CACNG4: variants seen among roughly 807,000 people sequenced by gnomAD.
The protein encoded by CACNG4 is calcium voltage-gated channel auxiliary subunit gamma 4, also known as voltage-dependent calcium channel gamma-4 subunit.
Under a neutral mutation model 22.9 loss-of-function variants are expected in CACNG4, and 8 were observed. The observed-to-expected ratio is 0.35, with a 90% CI of 0.21 to 0.63. CACNG4 has a LOEUF of 0.63. Ranked by LOEUF, CACNG4 falls within the 30% of genes least tolerant of loss-of-function variation. The pLI is 0.72. For missense variants in CACNG4, 357 were observed against 455.4 expected, an observed-to-expected ratio of 0.78 and a Z score of 1.97; for synonymous variants, 188 against 191.9, an observed-to-expected ratio of 0.98 and a Z score of 0.17.
intron 1 of CACNG4, among the ~76,000 whole-genome samples, chr17:66,977,058 G>A (rs969582699): frequency 8.5e-5 from 13 of 152,122 alleles, no homozygotes; most frequent in African/African-American, 1.9e-4. Context: ...CTCCACCTCC[G>A]ACACACGCCC....
In CACNG4 at chr17:67,031,156, C is replaced by G; in HGVS notation, c.*152C>G. On this transcript the variant is annotated 3_prime_UTR_variant, in exon 4 of 4. Coordinates refer to ENST00000262138, the MANE Select transcript of CACNG4 (RefSeq NM_014405.4). This position sits in a 1 kb window ranked among gnomAD's most constrained non-coding sequence, Gnocchi z 4.0. The stretch of plus-strand genomic sequence containing the variant: ...AGAGGTGGCGTGGGCTGGCTTTGCA[C>G]GAAGGTTGTGCTGGGAGACCGGACC... 1 of 821,136 alleles carries G rather than the reference C, an allele frequency of 1.2e-6. No homozygotes were observed. Among genetic ancestry groups the G allele is most frequent in the Non-Finnish European group, 1.9e-6 (1 of 526,672 alleles). The allele number at this position is 821,136 out of a possible 1,614,324, so 50.9% of individuals were successfully genotyped here. A position where few individuals can be genotyped will look rare whatever the true frequency, so the allele number is the denominator to read the frequency against.
chr17:67,031,786 A>T lies in CACNG4; in HGVS notation c.*782A>T, dbSNP rs1246005616. ...TGGACTTCAGAGTCTGGAGGGTTCCATCGGTCAGGGGAATGGCGGCCACGT... is the reference window on the plus strand; with the variant it reads ...TGGACTTCAGAGTCTGGAGGGTTCCTTCGGTCAGGGGAATGGCGGCCACGT... On this transcript the variant is annotated 3_prime_UTR_variant, in exon 4 of 4. Coordinates refer to ENST00000262138, the MANE Select transcript of CACNG4 (RefSeq NM_014405.4). This position sits in a 1 kb window ranked among gnomAD's most constrained non-coding sequence, Gnocchi z 4.0. 1 of 456,510 alleles carries T rather than the reference A, an allele frequency of 2.2e-6. No individual in the cohort carries two copies. Among genetic ancestry groups the T allele is most frequent in the Non-Finnish European group, 4.4e-6 (1 of 226,952 alleles). The allele number at this position is 456,510 out of a possible 1,614,324, so 28.3% of individuals were successfully genotyped here. A position where few individuals can be genotyped will look rare whatever the true frequency, so the allele number is the denominator to read the frequency against.
In CACNG4 at chr17:67,006,470, C is replaced by T. The variant is rs548937384; in HGVS notation, c.221-11719C>T. ...CCTCAGTACTGTCTCCGTCACCTCC[C>T]CAGGCAAGGTCCCTTCCAGAAGCTC... On this transcript the variant is annotated intron_variant, in intron 1 of 3. Transcript: ENST00000262138. 9.2e-5 allele frequency among the ~76,000 whole-genome samples: 14 copies of T among 152,334 alleles called. No homozygotes were observed. The South Asian group carries it at 2.7e-3, about 29-fold the overall frequency.
At chr17:67,019,382 C>T (rs1301380940) in intron 2 of CACNG4, among the ~76,000 whole-genome samples, 1 of 152,126 alleles carries the variant, frequency 6.6e-6, no homozygotes, top group South Asian at 2.1e-4. Context: ...TCTATGCTCT[C>T]GTTCTGCTTA....
chr17:67,019,544 C>A (rs1465902798), intron 2 of CACNG4, among the ~76,000 whole-genome samples: 1 of 152,234 alleles, frequency 6.6e-6, no homozygotes, highest in African/African-American at 2.4e-5. Context: ...TCTGCACAAC[C>A]AGCCACAGAG....
intron 1 of CACNG4, among the ~76,000 whole-genome samples, chr17:66,988,549 C>T: frequency 6.6e-6 from 1 of 152,148 alleles, no homozygotes; most frequent in South Asian, 2.1e-4. Flanking sequence ...CCATCACTTG[C>T]CCCCTCGCCT....
chr17:67,026,688 T>C (rs576951863), intron 3 of CACNG4, among the ~76,000 whole-genome samples: 85 of 151,322 alleles, frequency 5.6e-4, no homozygotes, highest in Non-Finnish European at 9.6e-4. Flanking sequence ...TGTGTGTGTG[T>C]GAGGACTATG....
At chr17:66,996,006 T>C (rs1225922291) in intron 1 of CACNG4, among the ~76,000 whole-genome samples, 2 of 152,154 alleles carry the variant, frequency 1.3e-5, no homozygotes, top group African/African-American at 4.8e-5. Context: ...TCCCAAACCC[T>C]GGTTTTGAGT....
chr17:67,024,990 C>A lies in CACNG4; in HGVS notation c.435C>A (p.Phe145Leu). 1 of 1,594,566 alleles carries A rather than the reference C, an allele frequency of 6.3e-7. No homozygotes were observed. The highest frequency in any genetic ancestry group is 8.5e-7 in the Non-Finnish European group (1 of 1,172,624). ...TCGTCCTCAGTGCCGGCATCCTCTTCGTGGCTGCAGGTGAGCCGCCCGCCC... is the reference window on the plus strand; with the variant it reads ...TCGTCCTCAGTGCCGGCATCCTCTTAGTGGCTGCAGGTGAGCCGCCCGCCC... ...NNIVLSAGIL[F>L]VAAGLSNIIG... The change falls in exon 3 of 4, where the codon TTC becomes TTA. Residue 145 changes from phenylalanine to leucine, a missense_variant. Physicochemically the swap from Phe to Leu is conservative, Grantham distance 22. This residue lies in a region of CACNG4 where 240 missense variants were observed against 277.6 expected (regional missense o/e 0.86). Coordinates refer to ENST00000262138, the MANE Select transcript of CACNG4 (RefSeq NM_014405.4).
In CACNG4 at chr17:66,993,488, C is replaced by T. The variant is rs1297565118; in HGVS notation, c.221-24701C>T. On this transcript the variant is annotated intron_variant, in intron 1 of 3. Coordinates refer to ENST00000262138, the MANE Select transcript of CACNG4 (RefSeq NM_014405.4). The stretch of plus-strand genomic sequence containing the variant: ...GCTTCACCCTCTAGCTGGGGCCAGG[C>T]TTGGACAACTCACAATCTCCTCCAT... 2.6e-5 allele frequency among the ~76,000 whole-genome samples: 4 copies of T among 152,326 alleles called. No individual in the cohort carries two copies. In the East Asian group the frequency reaches 7.7e-4, roughly 29 times the overall value.
intron 1 of CACNG4, among the ~76,000 whole-genome samples, chr17:67,008,449 G>T (rs1345484731): frequency 1.3e-5 from 2 of 152,200 alleles, no homozygotes; most frequent in African/African-American, 2.4e-5. Context: ...GAATTGCGGG[G>T]AGCAGGGGGC....
intron 1 of CACNG4, among the ~76,000 whole-genome samples, chr17:67,006,121 G>A (rs1302349333): frequency 6.6e-6 from 1 of 152,214 alleles, no homozygotes; most frequent in Non-Finnish European, 1.5e-5. Flanking sequence ...ACCATGAGGG[G>A]CAGTGAGGAG....
chr17:66,996,180 C>A (rs534219864), intron 1 of CACNG4, among the ~76,000 whole-genome samples: 1 of 152,172 alleles, frequency 6.6e-6, no homozygotes, highest in African/African-American at 2.4e-5. Flanking sequence ...CTCTCTGCTC[C>A]GTGGTTGGGC....
chr17:67,028,120 C>T (rs2035579171), intron 3 of CACNG4, among the ~76,000 whole-genome samples: 1 of 152,112 alleles, frequency 6.6e-6, no homozygotes, highest in African/African-American at 2.4e-5. Flanking sequence ...GAGTTGAAAC[C>T]CAGGACTGGT....
intron 1 of CACNG4, among the ~76,000 whole-genome samples, chr17:66,976,940 A>G (rs2035241565): frequency 6.6e-6 from 1 of 152,112 alleles, no homozygotes; most frequent in African/African-American, 2.4e-5. Flanking sequence ...TCACCAGTTC[A>G]TCCATCCAGC....
chr17:66,969,166 G>T (rs1010668602), intron 1 of CACNG4, among the ~76,000 whole-genome samples: 3 of 152,206 alleles, frequency 2.0e-5, no homozygotes, highest in African/African-American at 7.2e-5. Flanking sequence ...AGAAGAGCCC[G>T]TGTAGACGTG....
chr17:66,992,194 C>T (rs1397361154), intron 1 of CACNG4, among the ~76,000 whole-genome samples: 1 of 152,102 alleles, frequency 6.6e-6, no homozygotes, highest in Non-Finnish European at 1.5e-5. Flanking sequence ...CCTTTCTCAC[C>T]CTTGAGTACC....
At chr17:66,990,609 T>TA (rs1303684988) in intron 1 of CACNG4, among the ~76,000 whole-genome samples, 2 of 152,188 alleles carry the variant, frequency 1.3e-5, no homozygotes, top group African/African-American at 2.4e-5. Context: ...GAGTTGATCT[T>TA]ACGAAATTTT....
chr17:66,973,459 C>A (rs1214691749), intron 1 of CACNG4, among the ~76,000 whole-genome samples: 1 of 152,196 alleles, frequency 6.6e-6, no homozygotes, highest in Non-Finnish European at 1.5e-5. Context: ...ACAGGTGAGG[C>A]AGAGTGACTT....
Sources: allele counts gnomAD v4.1 joint callset (sites outside exome capture counted in the v4.1 genomes callset), GRCh38; gene constraint gnomAD v4.1.1; regional missense constraint gnomAD v4.1.1; non-coding constraint Gnocchi (gnomAD v3.1); transcripts MANE v1.5; gene names NCBI Gene and HGNC (gene_info 2026-07-23, HGNC 2026-07-21).